The following TBC1D22A variants were observed in gnomAD, a reference collection of about 807,000 sequenced individuals.
TBC1D22A encodes the protein putative GTPase activator.
In TBC1D22A, 38 loss-of-function variants were observed where a neutral mutation model predicts 60.2. The ratio of observed to expected loss-of-function variants is 0.63; its 90% CI spans 0.49 to 0.83. TBC1D22A has a LOEUF of 0.83. Ranked by LOEUF, TBC1D22A falls within the 40% of genes least tolerant of loss-of-function variation. The pLI is 0.00. For synonymous variants in TBC1D22A, 302 were observed against 281.7 expected (o/e 1.07, Z -0.72); for missense variants, 628 against 701.0 (o/e 0.90, Z 1.18).
chr22:47,161,385 A>G (rs1483002901), intron 12 of TBC1D22A, among the ~76,000 whole-genome samples: 2 of 152,224 alleles, frequency 1.3e-5, no homozygotes, highest in African/African-American at 2.4e-5. Flanking sequence ...TCTGCTTCTC[A>G]GTAACCTTTA....
chr22:46,982,348 C>T (rs557168070), intron 9 of TBC1D22A, among the ~76,000 whole-genome samples: 5 of 152,006 alleles, frequency 3.3e-5, no homozygotes, highest in East Asian at 1.9e-4. Context: ...CTCAGCTTCC[C>T]GAGTAGCTGG....
rs551466348 is a variant in TBC1D22A at position 46,920,893 on chromosome 22, C to A, written c.1015+8705C>A. ...TCAAGCGATTCTCCTGTCTTAGCCTCCTGAGTAGCTGGGATTACAGGTGTG... is the reference window on the plus strand; with the variant it reads ...TCAAGCGATTCTCCTGTCTTAGCCTACTGAGTAGCTGGGATTACAGGTGTG... On this transcript the variant is annotated intron_variant, in intron 8 of 12. Coordinates refer to ENST00000337137, the MANE Select transcript of TBC1D22A (RefSeq NM_014346.5). Among the ~76,000 whole-genome samples, 637 of 151,956 alleles carry A rather than the reference C, an allele frequency of 4.2e-3. 4 individuals are homozygous for A. The highest frequency in any genetic ancestry group is 7.2e-3 in the Non-Finnish European group (490 of 67,984).
At chr22:46,904,529 T>G (rs1269503819) in intron 7 of TBC1D22A, among the ~76,000 whole-genome samples, 1 of 151,400 alleles carries the variant, frequency 6.6e-6, no homozygotes, top group Non-Finnish European at 1.5e-5. Flanking sequence ...AGTGCAGTGG[T>G]GTGATCTTGG....
intron 4 of TBC1D22A, among the ~76,000 whole-genome samples, chr22:46,847,776 C>T (rs1333985519): frequency 2.6e-5 from 4 of 152,158 alleles, no homozygotes; most frequent in Non-Finnish European, 5.9e-5. Flanking sequence ...GAGAGGAGTG[C>T]CCCACTCATT....
rs377121738 is a variant in TBC1D22A at position 46,774,981 on chromosome 22, A to G, written c.62+12133A>G. 9.8e-5 allele frequency among the ~76,000 whole-genome samples: 15 copies of G among 152,290 alleles called. No homozygotes were observed. The East Asian group carries it at 1.9e-3, about 20-fold the overall frequency. On this transcript the variant is annotated intron_variant, in intron 1 of 12. Transcript: ENST00000337137. ...GCTGGTTTGAAATGGGCCTTCTTTT[A>G]TCAAACATTTTTACTAAACTAAAAA...
rs748976598 is a variant in TBC1D22A, at chr22:46,944,640, T to C, written c.1016-29650T>C. Reference sequence around the variant, plus strand: ...GTCTTGATCTCATGACCTTGTAATCTGCCCACCTTGGCCTCCCAAAGTGCT... The same window carrying C: ...GTCTTGATCTCATGACCTTGTAATCCGCCCACCTTGGCCTCCCAAAGTGCT... On this transcript the variant is annotated intron_variant, in intron 8 of 12. Transcript: ENST00000337137. Among the ~76,000 whole-genome samples, 14 of 152,328 alleles carry C rather than the reference T, an allele frequency of 9.2e-5. No individual in the cohort carries two copies. In the East Asian group the frequency reaches 1.2e-3, roughly 13 times the overall value.
intron 11 of TBC1D22A, among the ~76,000 whole-genome samples, chr22:47,049,107 C>T (rs1000813106): frequency 9.9e-5 from 15 of 152,226 alleles, no homozygotes; most frequent in Admixed American, 5.2e-4. Flanking sequence ...GCCGGCGCTC[C>T]ACCTGGGTCC....
At chr22:46,829,964 G>A (rs539572353) in intron 4 of TBC1D22A, among the ~76,000 whole-genome samples, 35 of 152,326 alleles carry the variant, frequency 2.3e-4, no homozygotes, top group Middle Eastern at 3.4e-3. Flanking sequence ...AAAGGAGCAG[G>A]GGTACACAGG....
chr22:47,053,599 G>T (rs945988890), intron 11 of TBC1D22A, among the ~76,000 whole-genome samples: 1 of 152,236 alleles, frequency 6.6e-6, no homozygotes, highest in Admixed American at 6.5e-5. Context: ...CCTCAGAGAC[G>T]CCAGCGAGGA....
intron 4 of TBC1D22A, among the ~76,000 whole-genome samples, chr22:46,804,148 C>T (rs2085027315): frequency 6.6e-6 from 1 of 152,120 alleles, no homozygotes; most frequent in Admixed American, 6.5e-5. Context: ...TTTGCGTTTT[C>T]CCCCCGTGGC....
intron 11 of TBC1D22A, among the ~76,000 whole-genome samples, chr22:47,063,735 T>A (rs1334658358): frequency 6.6e-6 from 1 of 152,102 alleles, no homozygotes; most frequent in Admixed American, 6.5e-5. Context: ...GCAGGGCTGG[T>A]TCGCTCTGGA....
At position 46,846,145 on chromosome 22, in the gene TBC1D22A, T is replaced by A. The variant is rs182178548; in HGVS notation, c.638-32508T>A. ...TCACAATGCATCTGGAAGGCAGCAA[T>A]GTGCCGAGTGCTTTTTCTCCCCTCT... On this transcript the variant is annotated intron_variant, in intron 4 of 12. Transcript: ENST00000337137. 4.3e-4 allele frequency among the ~76,000 whole-genome samples: 66 copies of A among 152,362 alleles called. No individual in the cohort carries two copies. In the East Asian group the frequency reaches 0.011, roughly 26 times the overall value.
At chr22:46,851,742 A>G (rs2087287520) in intron 4 of TBC1D22A, among the ~76,000 whole-genome samples, 1 of 152,238 alleles carries the variant, frequency 6.6e-6, no homozygotes, top group Admixed American at 6.5e-5. Context: ...TTTCAGAGGT[A>G]CTTAGTGACC....
chr22:47,112,653 C>G (rs1021559534), intron 12 of TBC1D22A, among the ~76,000 whole-genome samples: 2 of 152,340 alleles, frequency 1.3e-5, no homozygotes, highest in Middle Eastern at 3.4e-3. Context: ...CCTGGCCCAG[C>G]AGATGGAACC....
intron 11 of TBC1D22A, among the ~76,000 whole-genome samples, chr22:47,078,979 C>T (rs531108366): frequency 1.2e-4 from 18 of 152,000 alleles, no homozygotes; most frequent in Non-Finnish European, 1.8e-4. Flanking sequence ...GAGCTTCTCT[C>T]TTTGCCCTCT....
intron 11 of TBC1D22A, among the ~76,000 whole-genome samples, chr22:47,065,066 C>G (rs906031182): frequency 6.6e-6 from 1 of 152,230 alleles, no homozygotes; most frequent in Non-Finnish European, 1.5e-5. Flanking sequence ...CCACTGTAAC[C>G]TCCGCCTCCC....
Position 47,028,997 on chromosome 22 carries a change from A to G in TBC1D22A, c.1202-8074A>G, listed in dbSNP as rs2062361467. ...CCCCAGGCCACCTGCACCTCTGCCC[A>G]GCTGGCTGTAAATTCAGTGGTGTCC... On this transcript the variant is annotated intron_variant, in intron 10 of 12. Coordinates refer to ENST00000337137, the MANE Select transcript of TBC1D22A (RefSeq NM_014346.5). The surrounding 1 kb of genome is among the most constrained non-coding windows in gnomAD (Gnocchi z 4.4). Among the ~76,000 whole-genome samples the G allele has an allele frequency of 6.6e-6, 1 of 152,210 alleles. No individual in the cohort carries two copies. Among genetic ancestry groups the G allele is most frequent in the South Asian group, 2.1e-4 (1 of 4,832 alleles).
chr22:47,022,141 A>G (rs2062111143), intron 10 of TBC1D22A, among the ~76,000 whole-genome samples: 1 of 152,246 alleles, frequency 6.6e-6, no homozygotes, highest in Non-Finnish European at 1.5e-5. Context: ...TTTCCGGTCA[A>G]CATTGATGTT....
At chr22:47,094,156 G>T (rs2065083722) in intron 11 of TBC1D22A, among the ~76,000 whole-genome samples, 1 of 152,154 alleles carries the variant, frequency 6.6e-6, no homozygotes, top group Non-Finnish European at 1.5e-5. Flanking sequence ...GTCCGGATCT[G>T]GTGAGTTTCA....
Sources: allele counts gnomAD v4.1 joint callset (sites outside exome capture counted in the v4.1 genomes callset), GRCh38; gene constraint gnomAD v4.1.1; non-coding constraint Gnocchi (gnomAD v3.1); transcripts MANE v1.5; gene names NCBI Gene and HGNC (gene_info 2026-07-23, HGNC 2026-07-21).